CHL1: variants seen among roughly 807,000 people sequenced by gnomAD.
The protein encoded by CHL1 is cell adhesion molecule L1 like, also known as neural cell adhesion molecule L1-like protein.
A neutral mutation model predicts 141.9 loss-of-function variants in CHL1; 96 were observed. The ratio of observed to expected loss-of-function variants is 0.68; its 90% CI spans 0.57 to 0.80. The LOEUF (loss-of-function observed/expected upper bound fraction) is 0.80. Among genes scored for constraint, CHL1 ranks in the 30% least tolerant of loss-of-function variants. The probability of loss-of-function intolerance (pLI) is 0.00; values close to 1 mark genes in which losing one functional copy is unlikely to be tolerated. For missense variants in CHL1, 1,820 were observed against 1,457.2 expected (o/e 1.25, Z -4.05); for synonymous variants, 613 against 502.2 (o/e 1.22, Z -2.95).
At chr3:309,541 T>A (rs1699577080) in intron 2 of CHL1, among the ~76,000 whole-genome samples, 1 of 151,734 alleles carries the variant, frequency 6.6e-6, no homozygotes, top group Admixed American at 6.6e-5. Context: ...CCTTCCTTTT[T>A]TTGAAACGGT....
In CHL1 at chr3:342,964, C is replaced by A; in HGVS notation, c.680-20C>A. 9 of 1,588,168 alleles carry A rather than the reference C, an allele frequency of 5.7e-6. No homozygotes were observed. The highest frequency in any genetic ancestry group is 7.7e-6 in the Non-Finnish European group (9 of 1,170,004). On this transcript the variant is annotated intron_variant, in intron 7 of 27. Coordinates refer to ENST00000256509, the MANE Select transcript of CHL1 (RefSeq NM_006614.4). Reference sequence around the variant, plus strand: ...TCCACCATTATGTTTGTGTTTTTTCCTTCCGTTTTTTTATTTCAGTAAAGC... The same window carrying A: ...TCCACCATTATGTTTGTGTTTTTTCATTCCGTTTTTTTATTTCAGTAAAGC...
intron 2 of CHL1, chr3:248,374 A>C (rs1458047769): frequency 6.6e-6 from 1 of 152,134 alleles, no homozygotes. Flanking sequence ...AAGATTATAG[A>C]ATGAGCACTA....
intron 2 of CHL1, among the ~76,000 whole-genome samples, chr3:298,200 C>A (rs1698382494): frequency 6.6e-6 from 1 of 152,142 alleles, no homozygotes; most frequent in African/African-American, 2.4e-5. Context: ...AAAATGTGTT[C>A]TTTCAGAAAA....
intron 2 of CHL1, among the ~76,000 whole-genome samples, chr3:279,620 A>G: frequency 6.6e-6 from 1 of 152,196 alleles, no homozygotes. Flanking sequence ...CTCCTTTGAA[A>G]GTATAAACAT....
chr3:316,091 T>C (rs1575046938), intron 2 of CHL1, among the ~76,000 whole-genome samples: 3 of 152,046 alleles, frequency 2.0e-5, no homozygotes, highest in Admixed American at 6.6e-5. Context: ...CCTAATCTTA[T>C]GTGAATGGGC....
intron 1 of CHL1, among the ~76,000 whole-genome samples, chr3:234,480 C>T (rs1691749566): frequency 6.6e-6 from 1 of 151,948 alleles, no homozygotes; most frequent in Admixed American, 6.6e-5. Context: ...ACAAAGACAG[C>T]CCTGAAAATA....
intron 3 of CHL1, among the ~76,000 whole-genome samples, chr3:321,190 T>C (rs1253180393): frequency 6.6e-6 from 1 of 152,076 alleles, no homozygotes; most frequent in East Asian, 1.9e-4. Flanking sequence ...TGGAAAGAAC[T>C]GAAATTGTAG....
intron 5 of CHL1, among the ~76,000 whole-genome samples, chr3:340,418 C>T (rs1037167787): frequency 2.6e-5 from 4 of 152,190 alleles, no homozygotes; most frequent in African/African-American, 4.8e-5. Flanking sequence ...AATATGCAAC[C>T]GCCCAAAGTG....
chr3:293,753 A>T (rs1423062199), intron 2 of CHL1, among the ~76,000 whole-genome samples: 2 of 151,538 alleles, frequency 1.3e-5, no homozygotes, highest in Admixed American at 1.3e-4. Flanking sequence ...ACATTTACTT[A>T]TGTGTGTTAA....
At chr3:378,609 G>T (rs917704018) in intron 16 of CHL1, among the ~76,000 whole-genome samples, 1 of 152,132 alleles carries the variant, frequency 6.6e-6, no homozygotes, top group Non-Finnish European at 1.5e-5. Flanking sequence ...ACCTAGAAAG[G>T]TTGCTTTTAA....
intron 2 of CHL1, among the ~76,000 whole-genome samples, chr3:318,604 C>T (rs927436533): frequency 5.9e-5 from 9 of 151,418 alleles, no homozygotes; most frequent in African/African-American, 2.2e-4. Flanking sequence ...TTTCTGTAAA[C>T]TTTGAAATGA....
intron 20 of CHL1, 126 bp downstream of exon 20, chr3:389,600 T>C (rs1405765471): frequency 1.3e-5 from 9 of 684,406 alleles, no homozygotes; most frequent in South Asian, 3.7e-5. Context: ...CCGTGGGAGA[T>C]AAAAACAAAT....
chr3:346,765 A>G (rs990856242), intron 9 of CHL1, among the ~76,000 whole-genome samples: 1 of 152,110 alleles, frequency 6.6e-6, no homozygotes, highest in Non-Finnish European at 1.5e-5. Flanking sequence ...ATACATTTTT[A>G]AAAAGTTTTT....
intron 1 of CHL1, among the ~76,000 whole-genome samples, chr3:199,101 A>G (rs932882656): frequency 1.3e-5 from 2 of 152,202 alleles, no homozygotes; most frequent in Non-Finnish European, 2.9e-5. Flanking sequence ...TGGCTTTCAT[A>G]ATTTAACGTG....
intron 5 of CHL1, among the ~76,000 whole-genome samples, chr3:337,832 T>G (rs1702029622): frequency 6.6e-6 from 1 of 152,202 alleles, no homozygotes; most frequent in Admixed American, 6.5e-5. Context: ...ACAATAAACA[T>G]ATGTGTGCAT....
intron 2 of CHL1, among the ~76,000 whole-genome samples, chr3:306,857 T>G (rs900475038): frequency 6.6e-6 from 1 of 152,196 alleles, no homozygotes; most frequent in Admixed American, 6.5e-5. Context: ...CACTAGCAGT[T>G]GATAATTATG....
At chr3:348,118 T>C (rs1041039416) in intron 9 of CHL1, among the ~76,000 whole-genome samples, 1 of 152,116 alleles carries the variant, frequency 6.6e-6, no homozygotes, top group Admixed American at 6.6e-5. Context: ...TCTAAGACTA[T>C]AGAGTTAGGA....
intron 1 of CHL1, among the ~76,000 whole-genome samples, chr3:221,583 C>T (rs1700845158): frequency 6.6e-6 from 1 of 152,126 alleles, no homozygotes; most frequent in African/African-American, 2.4e-5. Flanking sequence ...CCAGTTAGTT[C>T]CTTAAAAGAG....
At chr3:320,670 C>T (rs79375727) in intron 3 of CHL1, among the ~76,000 whole-genome samples, 11,386 of 151,764 alleles carry the variant, frequency 0.075, 518 homozygotes, top group Middle Eastern at 0.15. Flanking sequence ...TGCACGCCAA[C>T]CTGGACAATA....
Sources: allele counts gnomAD v4.1 joint callset (sites outside exome capture counted in the v4.1 genomes callset), GRCh38; gene constraint gnomAD v4.1.1; transcripts MANE v1.5; gene names NCBI Gene and HGNC (gene_info 2026-07-23, HGNC 2026-07-21).